The following HDHD5 variants were observed in gnomAD, a reference collection of about 807,000 sequenced individuals.
HDHD5 encodes the protein haloacid dehalogenase-like hydrolase domain-containing 5.
A neutral mutation model predicts 35.5 loss-of-function variants in HDHD5; 34 were observed. The observed-to-expected ratio is 0.96, with a 90% CI of 0.73 to 1.28. HDHD5 has a LOEUF of 1.28. Ranked by LOEUF, HDHD5 falls within the 50% of genes most tolerant of loss-of-function variation. HDHD5 has a pLI of 0.00. For missense variants in HDHD5, 589 were observed against 560.2 expected (o/e 1.05, Z -0.52); for synonymous variants, 248 against 240.6 (o/e 1.03, Z -0.29).
At chr22:17,154,081 C>T (rs1005326) in intron 1 of HDHD5, among the ~76,000 whole-genome samples, 124,399 of 151,066 alleles carry the variant, frequency 0.82, 51,423 homozygotes, top group African/African-American at 0.87. Context: ...AAGCTGGTCT[C>T]CAACTCCCAA....
chr22:17,139,536 AAAC>A, intron 6 of HDHD5, among the ~76,000 whole-genome samples: 1 of 151,856 alleles, frequency 6.6e-6, no homozygotes. Flanking sequence ...TAAAAAAAAA[AAAC>A]AAACAAACTG....
At chr22:17,162,304 G>A (rs1021376417), upstream of HDHD5, among the ~76,000 whole-genome samples, 2 of 152,176 alleles carry the variant, frequency 1.3e-5, no homozygotes, top group African/African-American at 2.4e-5. Flanking sequence ...GATACTGAAG[G>A]TTTGTTGTTT....
intron 6 of HDHD5, among the ~76,000 whole-genome samples, chr22:17,140,092 C>T (rs996704589): frequency 3.3e-5 from 5 of 152,186 alleles, no homozygotes; most frequent in African/African-American, 1.2e-4. Context: ...CATACCATAC[C>T]CCGTCTCTCT....
upstream of HDHD5, among the ~76,000 whole-genome samples, chr22:17,161,614 A>G (rs556950782): frequency 1.6e-4 from 24 of 151,882 alleles, no homozygotes; most frequent in East Asian, 1.9e-4. Context: ...CATGCCTGTA[A>G]TCCCAACACT....
chr22:17,157,979 TA>T (rs1197421441), intron 1 of HDHD5, among the ~76,000 whole-genome samples: 1 of 152,210 alleles, frequency 6.6e-6, no homozygotes, highest in African/African-American at 2.4e-5. Context: ...AACTGTGAAG[TA>T]CTTAGAATAG....
At chr22:17,139,513 G>A (rs1256190970) in intron 6 of HDHD5, among the ~76,000 whole-genome samples, 2 of 149,758 alleles carry the variant, frequency 1.3e-5, no homozygotes, top group African/African-American at 2.4e-5. Flanking sequence ...GGGCAAAAGA[G>A]CAAGACTCCA....
intron 1 of HDHD5, among the ~76,000 whole-genome samples, chr22:17,153,569 T>C (rs1437275327): frequency 6.6e-6 from 1 of 152,216 alleles, no homozygotes; most frequent in South Asian, 2.1e-4. Context: ...GGCCCACAGA[T>C]AGATTTCAGG....
upstream of HDHD5, among the ~76,000 whole-genome samples, chr22:17,163,565 C>T (rs2061875658): frequency 6.6e-6 from 1 of 152,188 alleles, no homozygotes; most frequent in Non-Finnish European, 1.5e-5. Flanking sequence ...TCCCCAGCCC[C>T]CAGCCACACC....
chr22:17,145,228 G>C, intron 3 of HDHD5, 111 bp from the exon 4 acceptor site: 1 of 1,528,336 alleles, frequency 6.5e-7, no homozygotes, highest in Admixed American at 2.0e-5. Flanking sequence ...AAGCCAGGCA[G>C]GAGGGCACCA....
In HDHD5 at chr22:17,158,942, G is replaced by T. The variant is rs903397048; in HGVS notation, c.126+184C>A. The T allele has an allele frequency of 1.0e-4, 49 of 470,352 alleles. No homozygotes were observed. The Middle Eastern group carries it at 2.1e-3, about 20-fold the overall frequency. The allele number at this position is 470,352 out of a possible 1,614,324, so 29.1% of individuals were successfully genotyped here. ...GTAGCGTTTCCGAGGCCGCCAGCGA[G>T]TCAGAGGAAGGCAGGGCGCATCCGC... is the stretch of plus-strand genomic sequence containing the variant. On this transcript the variant is annotated intron_variant, in intron 1 of 7. Transcript: ENST00000336737.
In HDHD5 at chr22:17,138,392, G is replaced by A. The variant is rs141775493; in HGVS notation, c.936-35C>T. Reference sequence around the variant, plus strand: ...GCAGCCACACCGGAAAAGGAAAAAGGAGAAAAAACCCTAAATCAATGTTGC... The same window carrying A: ...GCAGCCACACCGGAAAAGGAAAAAGAAGAAAAAACCCTAAATCAATGTTGC... On this transcript the variant is annotated intron_variant, in intron 7 of 7. Transcript: ENST00000336737. 43 of 1,588,158 alleles carry A rather than the reference G, an allele frequency of 2.7e-5. No homozygotes were observed. In the Middle Eastern group the frequency reaches 6.8e-4, roughly 25 times the overall value.
chr22:17,142,871 T>C, intron 5 of HDHD5: 1 of 496,698 alleles, frequency 2.0e-6, no homozygotes. Flanking sequence ...ACCACTAAAA[T>C]TCTCTAAGCT....
chr22:17,163,196 G>A (rs183141568), upstream of HDHD5, among the ~76,000 whole-genome samples: 1 of 152,338 alleles, frequency 6.6e-6, no homozygotes, highest in East Asian at 1.9e-4. Flanking sequence ...CGTGGGGTTT[G>A]TTAAATCAGC....
chr22:17,152,816 T>A (rs1371396703), intron 1 of HDHD5, among the ~76,000 whole-genome samples: 1 of 151,568 alleles, frequency 6.6e-6, no homozygotes, highest in Non-Finnish European at 1.5e-5. Context: ...GCTGTAATGA[T>A]CCCATCTTCT....
At chr22:17,143,629 G>T (rs1254226776) in intron 4 of HDHD5, 1 of 154,724 alleles carries the variant, frequency 6.5e-6, no homozygotes, top group Non-Finnish European at 1.4e-5. Context: ...ACTCCCCTGT[G>T]TGGGGCTGTC....
chr22:17,156,430 G>T (rs1197657746), intron 1 of HDHD5, among the ~76,000 whole-genome samples: 1 of 152,118 alleles, frequency 6.6e-6, no homozygotes, highest in African/African-American at 2.4e-5. Context: ...GGCCAACATG[G>T]TGAAACCCCA....
chr22:17,163,946 G>A (rs962593307), upstream of HDHD5, among the ~76,000 whole-genome samples: 1 of 152,166 alleles, frequency 6.6e-6, no homozygotes, highest in African/African-American at 2.4e-5. Flanking sequence ...GGCAGGTGAG[G>A]CCAGGCACGG....
At chr22:17,147,390 T>G (rs34399544) in intron 3 of HDHD5, among the ~76,000 whole-genome samples, 1 of 47,586 alleles carries the variant, frequency 2.1e-5, no homozygotes, top group Non-Finnish European at 4.0e-5. Context: ...TTCGATCACA[T>G]GCCATCGCAC....
At chr22:17,143,206 G>A (rs939100270) in intron 4 of HDHD5, 75 bp from the exon 5 acceptor site, 2 of 1,521,476 alleles carry the variant, frequency 1.3e-6, no homozygotes, top group Admixed American at 3.9e-5. Flanking sequence ...CCACCTCCAG[G>A]GTGCTGGGAG....
Sources: gnomAD v4.1 joint callset for allele counts (sites outside exome capture counted in the v4.1 genomes callset) on GRCh38, gnomAD v4.1.1 for gene constraint, MANE v1.5 for transcripts, NCBI Gene and HGNC (gene_info 2026-07-23, HGNC 2026-07-21) for gene names.